ADAMTS12: variants seen among roughly 807,000 people sequenced by gnomAD.
ADAMTS12 encodes the protein A disintegrin and metalloproteinase with thrombospondin motifs 12.
A neutral mutation model predicts 167.8 loss-of-function variants in ADAMTS12; 118 were observed. The ratio of observed to expected loss-of-function variants is 0.70; its 90% CI spans 0.61 to 0.82. The LOEUF is 0.82. ADAMTS12 is among the 40% of genes least tolerant of loss of function. ADAMTS12 has a pLI of 0.00. For missense variants in ADAMTS12, 1,916 were observed against 1,998.8 expected (o/e 0.96, Z 0.79); for synonymous variants, 704 against 716.9 (o/e 0.98, Z 0.29).
rs1364110999 is a variant in ADAMTS12 at position 33,576,621 on chromosome 5, AG to A, written c.3404del (p.Pro1135LeufsTer6). ...SGSGLSSSRN[P>X]ITWPVTPFYN... The stretch of plus-strand genomic sequence containing the variant: ...AAAATGGAGTCACAGGCCAAGTGAT[AG>A]GGTTGCGGGAAGATGACAAGCCAGA... On this transcript the variant is annotated frameshift_variant, in exon 19 of 24. Coordinates refer to ENST00000504830, the MANE Select transcript of ADAMTS12 (RefSeq NM_030955.4). LOFTEE classifies it high-confidence loss of function. 1.2e-6 allele frequency: 2 copies of A among 1,614,212 alleles called. No individual in the cohort carries two copies. Among genetic ancestry groups the A allele is most frequent in the Non-Finnish European group, 1.7e-6 (2 of 1,180,024 alleles).
intron 2 of ADAMTS12, among the ~76,000 whole-genome samples, chr5:33,798,976 T>G (rs776271515): frequency 3.3e-5 from 5 of 152,094 alleles, no homozygotes; most frequent in Non-Finnish European, 7.3e-5. Context: ...ATGGGAGACA[T>G]GAAGAAAGAC....
At chr5:33,591,104 GTA>G (rs1554024194) in intron 17 of ADAMTS12, among the ~76,000 whole-genome samples, 4 of 148,756 alleles carry the variant, frequency 2.7e-5, no homozygotes, top group South Asian at 2.1e-4. Context: ...GTGTGTGTGT[GTA>G]TGTGTGTGCC....
intron 19 of ADAMTS12, among the ~76,000 whole-genome samples, chr5:33,566,851 T>C (rs1275471552): frequency 1.3e-5 from 2 of 152,190 alleles, no homozygotes; most frequent in East Asian, 1.9e-4. Flanking sequence ...ACTTCAAGGC[T>C]TGGAGCATAC....
intron 19 of ADAMTS12, among the ~76,000 whole-genome samples, chr5:33,574,399 A>G (rs1210257130): frequency 6.6e-6 from 1 of 152,164 alleles, no homozygotes; most frequent in Non-Finnish European, 1.5e-5. Flanking sequence ...CATATACACC[A>G]TGGAATACTA....
intron 3 of ADAMTS12, among the ~76,000 whole-genome samples, chr5:33,698,488 AATGAGTG>A (rs1429613557): frequency 2.6e-4 from 40 of 152,292 alleles, no homozygotes; most frequent in Non-Finnish European, 2.8e-4. Context: ...GTCAAGGGGG[AATGAGTG>A]ACATCTCTAT....
chr5:33,675,907 A>T (rs1741883176), intron 5 of ADAMTS12, among the ~76,000 whole-genome samples: 1 of 152,170 alleles, frequency 6.6e-6, no homozygotes, highest in South Asian at 2.1e-4. Context: ...CTTCAGAGAG[A>T]CTATGATGGC....
intron 3 of ADAMTS12, among the ~76,000 whole-genome samples, chr5:33,701,698 C>T (rs1050397792): frequency 6.6e-6 from 1 of 152,178 alleles, no homozygotes; most frequent in Non-Finnish European, 1.5e-5. Context: ...GAAGAAACCC[C>T]ACAGCCTTGC....
intron 2 of ADAMTS12, among the ~76,000 whole-genome samples, chr5:33,816,812 G>T (rs1747672080): frequency 6.6e-6 from 1 of 152,144 alleles, no homozygotes; most frequent in African/African-American, 2.4e-5. Flanking sequence ...GAGTAGGATT[G>T]TTCTGAATCA....
chr5:33,760,920 T>C (rs56319615), intron 2 of ADAMTS12, among the ~76,000 whole-genome samples: 19,790 of 146,262 alleles, frequency 0.14, 1,654 homozygotes, highest in East Asian at 0.41. Context: ...TGTGTGTGTG[T>C]GCGTATGCGC....
Position 33,588,511 on chromosome 5 carries a change from G to A in ADAMTS12, c.2865+88C>T, listed in dbSNP as rs1017859454. 6 of 1,525,842 alleles carry A rather than the reference G, an allele frequency of 3.9e-6. No homozygotes were observed. The African/African-American group carries it at 6.9e-5, about 17-fold the overall frequency. The allele number at this position is 1,525,842 out of a possible 1,614,324, so 94.5% of individuals were successfully genotyped here. On this transcript the variant is annotated intron_variant, in intron 18 of 23. Coordinates refer to ENST00000504830, the MANE Select transcript of ADAMTS12 (RefSeq NM_030955.4). ...ACTGGCTATTTTGCAATTTTACCTA[G>A]GGTCACTTTGGATTGGATAATGAGA...
At chr5:33,687,216 C>CAT (rs1050069543) in intron 3 of ADAMTS12, among the ~76,000 whole-genome samples, 4 of 151,942 alleles carry the variant, frequency 2.6e-5, no homozygotes, top group African/African-American at 9.7e-5. Context: ...CTGCTAAAGG[C>CAT]ATATATCTAT....
intron 5 of ADAMTS12, among the ~76,000 whole-genome samples, chr5:33,666,392 GGA>G (rs1404012219): frequency 6.6e-6 from 1 of 152,232 alleles, no homozygotes; most frequent in Non-Finnish European, 1.5e-5. Flanking sequence ...ACAGGATGGG[GGA>G]GAGGCTCAGG....
rs952087339 is a variant in ADAMTS12, at chr5:33,630,691, T to C, written c.2022+89A>G. ...AAAAACAGATGAGGTGTAAATGCTGTGAAAGCACAAACCTAGAACATCTGA... is the reference window on the plus strand; with the variant it reads ...AAAAACAGATGAGGTGTAAATGCTGCGAAAGCACAAACCTAGAACATCTGA... On this transcript the variant is annotated intron_variant, in intron 13 of 23. Transcript: ENST00000504830. 4.9e-6 allele frequency: 7 copies of C among 1,433,310 alleles called. No homozygotes were observed. In the Admixed American group the frequency reaches 7.7e-5, roughly 16 times the overall value. 88.8% of individuals were successfully genotyped at this position (1,433,310 alleles called of 1,614,324 possible).
In ADAMTS12 at chr5:33,527,049, A is replaced by G. The variant is rs1214516982; in HGVS notation, c.*139T>C. ...GGACATTCGGTGGCTAGAGGAACAC[A>G]ATGGATTTTGTTTCATCATGACCCA... On this transcript the variant is annotated 3_prime_UTR_variant, in exon 24 of 24. Coordinates refer to ENST00000504830, the MANE Select transcript of ADAMTS12 (RefSeq NM_030955.4). The G allele has an allele frequency of 1.0e-5, 12 of 1,156,722 alleles. No homozygotes were observed. The Admixed American group carries it at 2.7e-4, about 26-fold the overall frequency. The allele number at this position is 1,156,722 out of a possible 1,614,324, so 71.7% of individuals were successfully genotyped here.
chr5:33,816,305 C>T (rs920230588), intron 2 of ADAMTS12, among the ~76,000 whole-genome samples: 4 of 152,048 alleles, frequency 2.6e-5, no homozygotes, highest in Non-Finnish European at 5.9e-5. Context: ...AATGCAGTAC[C>T]TAACAGTTTT....
At chr5:33,849,137 ATG>A (rs1404546947) in intron 2 of ADAMTS12, among the ~76,000 whole-genome samples, 4 of 103,102 alleles carry the variant, frequency 3.9e-5, no homozygotes, top group African/African-American at 1.2e-4. Flanking sequence ...ATATATATAT[ATG>A]TATTGCATAG....
At chr5:33,612,935 C>G (rs1214546162) in intron 16 of ADAMTS12, among the ~76,000 whole-genome samples, 2 of 152,094 alleles carry the variant, frequency 1.3e-5, no homozygotes, top group East Asian at 3.9e-4. Context: ...TAAAAGCTAA[C>G]CTTGGCTTTC....
chr5:33,790,467 C>T (rs1180147967), intron 2 of ADAMTS12, among the ~76,000 whole-genome samples: 6 of 151,212 alleles, frequency 4.0e-5, no homozygotes, highest in African/African-American at 7.3e-5. Context: ...GCAGAAGAAT[C>T]GCTTGAACCC....
intron 3 of ADAMTS12, among the ~76,000 whole-genome samples, chr5:33,715,117 T>C (rs1343109152): frequency 1.3e-5 from 2 of 152,084 alleles, no homozygotes; most frequent in African/African-American, 4.8e-5. Context: ...TGAGTGATGA[T>C]CCATTTTCAG....
Sources: allele counts gnomAD v4.1 joint callset (sites outside exome capture counted in the v4.1 genomes callset), GRCh38; gene constraint gnomAD v4.1.1; transcripts MANE v1.5; gene names NCBI Gene and HGNC (gene_info 2026-07-23, HGNC 2026-07-21).